The following RHOT1 variants were observed in gnomAD, a reference collection of about 807,000 sequenced individuals.
The protein encoded by RHOT1 is mitochondrial Rho GTPase 1.
In RHOT1, 27 loss-of-function variants were observed where a neutral mutation model predicts 95.3. The ratio of observed to expected loss-of-function variants is 0.28; its 90% CI spans 0.21 to 0.39. RHOT1 has a LOEUF of 0.39. Among genes scored for constraint, RHOT1 ranks in the 10% least tolerant of loss-of-function variants. The pLI, the probability that RHOT1 is intolerant of heterozygous loss-of-function variation, is 1.00. For missense variants in RHOT1, 578 were observed against 786.7 expected, an observed-to-expected ratio of 0.73 and a Z score of 3.17; for synonymous variants, 227 against 263.5, an observed-to-expected ratio of 0.86 and a Z score of 1.34.
At chr17:32,174,687 T>C (rs2034851621) in intron 3 of RHOT1, among the ~76,000 whole-genome samples, 1 of 152,252 alleles carries the variant, frequency 6.6e-6, no homozygotes, top group Non-Finnish European at 1.5e-5. Flanking sequence ...GGAAGATATA[T>C]GTAACCTAAG....
At chr17:32,144,404 C>T (rs572819151) in intron 1 of RHOT1, among the ~76,000 whole-genome samples, 9 of 152,112 alleles carry the variant, frequency 5.9e-5, no homozygotes, top group Admixed American at 2.6e-4. Flanking sequence ...GAAAATTAGC[C>T]GGGTGTGGTG....
At chr17:32,201,084 TG>T (rs747951861) in intron 14 of RHOT1, 28 bp downstream of exon 14, 9 of 1,331,392 alleles carry the variant, frequency 6.8e-6, no homozygotes, top group Non-Finnish European at 8.4e-6. Context: ...GTTCAGCTCA[TG>T]ATTAGAGATA....
chr17:32,192,093 T>C, intron 8 of RHOT1, 108 bp from the exon 9 acceptor site: 2 of 635,950 alleles, frequency 3.1e-6, no homozygotes, highest in Non-Finnish European at 5.4e-6. Flanking sequence ...AGTTCATTTT[T>C]CCATGTTGGT....
intron 1 of RHOT1, among the ~76,000 whole-genome samples, chr17:32,169,901 C>T (rs1056561782): frequency 6.6e-6 from 1 of 151,648 alleles, no homozygotes; most frequent in Non-Finnish European, 1.5e-5. Context: ...CCCAGCTACT[C>T]GGGAGGCTGA....
intron 1 of RHOT1, among the ~76,000 whole-genome samples, chr17:32,154,624 G>A (rs1415759392): frequency 6.6e-6 from 1 of 150,576 alleles, no homozygotes; most frequent in East Asian, 2.0e-4. Flanking sequence ...CGGGTGCAGT[G>A]GCTCATGCTT....
intron 6 of RHOT1, among the ~76,000 whole-genome samples, chr17:32,178,740 A>G (rs1468329960): frequency 7.6e-6 from 1 of 130,926 alleles, no homozygotes; most frequent in Non-Finnish European, 1.6e-5. Context: ...CTGGGAGGTG[A>G]GGAGCGCCTC....
chr17:32,189,735 T>TC (rs1403173966), intron 8 of RHOT1, among the ~76,000 whole-genome samples: 3 of 138,004 alleles, frequency 2.2e-5, no homozygotes, highest in African/African-American at 9.2e-5. Flanking sequence ...TCTTTTCTTT[T>TC]CTTTTTTTTT....
intron 15 of RHOT1, 122 bp from the exon 16 acceptor site, chr17:32,203,768 G>T: frequency 2.9e-6 from 2 of 687,586 alleles, no homozygotes; most frequent in Middle Eastern, 2.4e-4. Flanking sequence ...CTGATAAATA[G>T]TACACAGTGT....
intron 1 of RHOT1, among the ~76,000 whole-genome samples, chr17:32,156,554 A>G (rs1274017072): frequency 2.0e-5 from 3 of 152,228 alleles, no homozygotes; most frequent in African/African-American, 7.2e-5. Context: ...TATGGGCATG[A>G]GCTGCCATGC....
intron 1 of RHOT1, chr17:32,150,640 G>A: frequency 1.3e-6 from 2 of 1,592,300 alleles, no homozygotes; most frequent in Non-Finnish European, 8.6e-7. Flanking sequence ...ACAGTGGAAA[G>A]AAGAGCTGGA....
intron 1 of RHOT1, among the ~76,000 whole-genome samples, chr17:32,152,507 A>G (rs9894051): frequency 0.045 from 6,913 of 152,236 alleles, 536 homozygotes; most frequent in African/African-American, 0.16. Context: ...GGACCTTCAG[A>G]CACCCACTTG....
At chr17:32,166,129 A>G (rs2142486956) in intron 1 of RHOT1, among the ~76,000 whole-genome samples, 1 of 151,538 alleles carries the variant, frequency 6.6e-6, no homozygotes, top group African/African-American at 2.4e-5. Flanking sequence ...CAGAGGTTGC[A>G]GTGAGCCAAG....
Position 32,152,838 on chromosome 17 carries a change from C to T in RHOT1, c.37+10109C>T, listed in dbSNP as rs1001829489. On this transcript the variant is annotated intron_variant, in intron 1 of 19. Coordinates refer to ENST00000545287, the MANE Select transcript of RHOT1 (RefSeq NM_001033566.3). ...TTTCTTTTTGAGACAGGGCCTCACT[C>T]GGTTGTCCAGGCTGGAATGTAGTGG... Among the ~76,000 whole-genome samples the T allele has an allele frequency of 7.9e-5, 12 of 151,496 alleles. No homozygotes were observed. The South Asian group carries it at 1.2e-3, about 16-fold the overall frequency.
rs148130441 is a variant in RHOT1, at chr17:32,220,194, T to C, written c.1863-4422T>C. Among the ~76,000 whole-genome samples, 331 of 151,876 alleles carry C rather than the reference T, an allele frequency of 2.2e-3. 1 individual carries two copies. The highest frequency in any genetic ancestry group is 0.014 in the Middle Eastern group (4 of 292). On this transcript the variant is annotated intron_variant, in intron 19 of 19. Transcript: ENST00000545287. Reference sequence around the variant, plus strand: ...CTGTGCAACATAGCAAGACCCCATCTCTACAAGAAAAATGAAAATTATCCA... The same window carrying C: ...CTGTGCAACATAGCAAGACCCCATCCCTACAAGAAAAATGAAAATTATCCA...
intron 19 of RHOT1, among the ~76,000 whole-genome samples, chr17:32,223,792 C>A (rs2038980732): frequency 6.6e-6 from 1 of 152,200 alleles, no homozygotes; most frequent in Non-Finnish European, 1.5e-5. Flanking sequence ...ATAAAATGTT[C>A]TGACCTTTTC....
chr17:32,182,775 TG>T lies in RHOT1; in HGVS notation c.351del (p.Asn118ThrfsTer18). 1 of 1,599,630 alleles carries T rather than the reference TG, an allele frequency of 6.3e-7. No individual in the cohort carries two copies. The highest frequency in any genetic ancestry group is 8.5e-7 in the Non-Finnish European group (1 of 1,171,426). On this transcript the variant is annotated frameshift_variant, in exon 7 of 20. Transcript: ENST00000545287. LOFTEE classifies it high-confidence loss of function. Reference protein sequence around the residue: ...KDSRLPLILVGNKSDLVEYSS... With the variant: ...KDSRLPLILVXNKSDLVEYSS... ...ATTTTAGGCTGCCTTTAATATTGGTTGGGAACAAATCTGATCTGGTGGAATA... is the reference window on the plus strand; with the variant it reads ...ATTTTAGGCTGCCTTTAATATTGGTTGGAACAAATCTGATCTGGTGGAATA...
chr17:32,194,251 A>T, intron 11 of RHOT1, 144 bp downstream of exon 11: 1 of 766,854 alleles, frequency 1.3e-6, no homozygotes, highest in Non-Finnish European at 2.2e-6. Flanking sequence ...GATTAAAGGC[A>T]TTGAGCCATG....
At chr17:32,215,042 G>A (rs1391186092) in intron 19 of RHOT1, among the ~76,000 whole-genome samples, 1 of 151,474 alleles carries the variant, frequency 6.6e-6, no homozygotes, top group Non-Finnish European at 1.5e-5. Context: ...GAGTAGCTGG[G>A]ACCACAGGCA....
intron 19 of RHOT1, among the ~76,000 whole-genome samples, chr17:32,222,061 T>C (rs1598483152): frequency 6.6e-6 from 1 of 152,310 alleles, no homozygotes; most frequent in African/African-American, 2.4e-5. Flanking sequence ...CCTAATTCTT[T>C]TTTCCTCCTA....
Sources: gnomAD v4.1 joint callset for allele counts (sites outside exome capture counted in the v4.1 genomes callset) on GRCh38, gnomAD v4.1.1 for gene constraint, MANE v1.5 for transcripts, NCBI Gene and HGNC (gene_info 2026-07-23, HGNC 2026-07-21) for gene names.